Variants in SULF1 observed in about 807,000 individuals in gnomAD.
SULF1 encodes sulfatase 1, also known as extracellular sulfatase Sulf-1.
A neutral mutation model predicts 110.5 loss-of-function variants in SULF1; 46 were observed. That is an observed-to-expected ratio of 0.42 (90% CI 0.33 to 0.53). The LOEUF is 0.53. Among genes scored for constraint, SULF1 ranks in the 20% least tolerant of loss-of-function variants. The pLI, the probability that SULF1 is intolerant of heterozygous loss-of-function variation, is 0.12. For synonymous variants in SULF1, 371 were observed against 387.1 expected, an observed-to-expected ratio of 0.96 and a Z score of 0.49; for missense variants, 941 against 1,094.2, an observed-to-expected ratio of 0.86 and a Z score of 1.98.
chr8:69,523,228 C>T (rs1189129369), intron 3 of SULF1, among the ~76,000 whole-genome samples: 2 of 152,118 alleles, frequency 1.3e-5, no homozygotes, highest in Non-Finnish European at 2.9e-5. Flanking sequence ...GAAGAACATA[C>T]GTGTAGTGGA....
At chr8:69,514,835 G>T (rs184359821) in intron 3 of SULF1, among the ~76,000 whole-genome samples, 2 of 152,310 alleles carry the variant, frequency 1.3e-5, no homozygotes, top group African/African-American at 4.8e-5. Flanking sequence ...ACCCAGGAGT[G>T]CAGTCATTAA....
intron 5 of SULF1, among the ~76,000 whole-genome samples, chr8:69,564,551 G>A (rs1815730000): frequency 1.3e-5 from 2 of 152,220 alleles, no homozygotes; most frequent in Admixed American, 1.3e-4. Flanking sequence ...ACTTTCAGTG[G>A]TTATTAGTAT....
chr8:69,631,158 C>G (rs939229680), intron 19 of SULF1, among the ~76,000 whole-genome samples: 1 of 152,170 alleles, frequency 6.6e-6, no homozygotes, highest in African/African-American at 2.4e-5. Flanking sequence ...ACAGTGCAAG[C>G]AGAGGTCCTG....
In SULF1 at chr8:69,603,187, T is replaced by G; in HGVS notation, c.1062-5T>G. 2.5e-6 allele frequency: 4 copies of G among 1,614,106 alleles called. No homozygotes were observed. The highest frequency in any genetic ancestry group is 3.4e-6 in the Non-Finnish European group (4 of 1,180,000). ...TCTCAGCCATCACCGTGTGCCCCTT[T>G]ACAGAGTCCCACAGATCGTTCTCAA... On this transcript the variant is annotated splice_region_variant and splice_polypyrimidine_tract_variant and intron_variant, in intron 10 of 22. Coordinates refer to ENST00000402687, the MANE Select transcript of SULF1 (RefSeq NM_001128205.2).
intron 3 of SULF1, among the ~76,000 whole-genome samples, chr8:69,507,069 A>C (rs1811247616): frequency 6.6e-6 from 1 of 152,202 alleles, no homozygotes; most frequent in South Asian, 2.1e-4. Flanking sequence ...CCAGTGCTGA[A>C]ATGGCCCACA....
intron 3 of SULF1, chr8:69,563,073 G>A (rs7838730): frequency 0.24 from 35,795 of 152,138 alleles, 4,562 homozygotes; most frequent in African/African-American, 0.34. Context: ...GGTAGAGAAT[G>A]ATATAATGCA....
intron 6 of SULF1, among the ~76,000 whole-genome samples, chr8:69,577,783 G>C (rs897985999): frequency 1.3e-5 from 2 of 152,134 alleles, no homozygotes; most frequent in East Asian, 3.9e-4. Context: ...AAAAAACCGA[G>C]ACTCAGAAAG....
Position 69,638,781 on chromosome 8 carries a change from T to C in SULF1, c.2474T>C (p.Leu825Pro), listed in dbSNP as rs1811243226. 6.2e-7 allele frequency: 1 copy of C among 1,614,134 alleles called. No homozygotes were observed. ...HTVERGILNQLHVQLMELRSC... is the reference protein window; with the variant it reads ...HTVERGILNQPHVQLMELRSC... The stretch of plus-strand genomic sequence containing the variant: ...GTAGAACGAGGCATTTTGAATCAGC[T>C]ACACGTACAACTAATGGAGCTCAGA... Residue 825 changes from leucine (L) to proline (P), a missense_variant, in exon 21 of 23, where the codon CTA becomes CCA. Physicochemically the swap from Leu to Pro is moderately conservative, Grantham distance 98. Coordinates refer to ENST00000402687, the MANE Select transcript of SULF1 (RefSeq NM_001128205.2).
chr8:69,468,542 TCCGA>T (rs1380473823), intron 1 of SULF1, among the ~76,000 whole-genome samples: 19 of 152,334 alleles, frequency 1.2e-4, no homozygotes, highest in African/African-American at 3.8e-4. Flanking sequence ...AGGCAGTTAT[TCCGA>T]CTGAGTATTA....
intron 22 of SULF1, 154 bp downstream of exon 22, chr8:69,640,995 T>A: frequency 1.7e-6 from 1 of 580,626 alleles, no homozygotes; most frequent in Non-Finnish European, 2.9e-6. Context: ...GTTTTGTCAT[T>A]GATCACAGAA....
intron 3 of SULF1, among the ~76,000 whole-genome samples, chr8:69,512,402 CCAGTT>C (rs1563483778): frequency 6.6e-6 from 1 of 152,088 alleles, no homozygotes; most frequent in Non-Finnish European, 1.5e-5. Context: ...TGTACAGAAT[CCAGTT>C]CAAATCTTTT....
intron 1 of SULF1, among the ~76,000 whole-genome samples, chr8:69,473,882 AT>A (rs1207064933): frequency 1.3e-5 from 2 of 152,222 alleles, no homozygotes; most frequent in Admixed American, 6.5e-5. Context: ...GATCTTTCCA[AT>A]CAGTAAATAG....
At chr8:69,474,564 T>A (rs1586189003) in intron 1 of SULF1, among the ~76,000 whole-genome samples, 1 of 152,318 alleles carries the variant, frequency 6.6e-6, no homozygotes, top group East Asian at 1.9e-4. Flanking sequence ...TCTCTTTTTT[T>A]CTTCTGAGAA....
At chr8:69,562,055 C>T (rs963888550) in intron 3 of SULF1, among the ~76,000 whole-genome samples, 2 of 152,198 alleles carry the variant, frequency 1.3e-5, no homozygotes, top group African/African-American at 2.4e-5. Flanking sequence ...TTGGAGCTGT[C>T]TTGTTTGTTG....
chr8:69,630,476 G>T (rs1263926835), intron 19 of SULF1, among the ~76,000 whole-genome samples: 2 of 152,184 alleles, frequency 1.3e-5, no homozygotes, highest in Non-Finnish European at 2.9e-5. Flanking sequence ...ATTCTTGGGG[G>T]GATCTAGGGC....
At chr8:69,615,125 A>G (rs1057010769) in intron 13 of SULF1, among the ~76,000 whole-genome samples, 2 of 152,200 alleles carry the variant, frequency 1.3e-5, no homozygotes, top group African/African-American at 4.8e-5. Flanking sequence ...GGCTGACTCC[A>G]CACATCCCAT....
intron 3 of SULF1, among the ~76,000 whole-genome samples, chr8:69,534,761 T>A (rs1008563222): frequency 6.6e-6 from 1 of 152,104 alleles, no homozygotes; most frequent in Non-Finnish European, 1.5e-5. Flanking sequence ...TTTATGAGCT[T>A]ATGAAATTTA....
intron 14 of SULF1, 39 bp from the exon 15 acceptor site, chr8:69,623,903 T>G (rs748017412): frequency 1.3e-6 from 2 of 1,580,152 alleles, no homozygotes; most frequent in South Asian, 2.4e-5. Flanking sequence ...GTAAGCTACA[T>G]CAGGACATCC....
At chr8:69,503,387 A>G (rs368354109) in intron 3 of SULF1, among the ~76,000 whole-genome samples, 1 of 152,212 alleles carries the variant, frequency 6.6e-6, no homozygotes, top group Non-Finnish European at 1.5e-5. Flanking sequence ...GTAAGAGAAG[A>G]TAAGTTGAAA....
Sources: allele counts gnomAD v4.1 joint callset (sites outside exome capture counted in the v4.1 genomes callset), GRCh38; gene constraint gnomAD v4.1.1; transcripts MANE v1.5; gene names NCBI Gene and HGNC (gene_info 2026-07-23, HGNC 2026-07-21).